The following USP6 variants were observed in gnomAD, a reference collection of about 807,000 sequenced individuals.
USP6 encodes ubiquitin specific peptidase 6, also known as ubiquitin carboxyl-terminal hydrolase 6.
In USP6, 128 loss-of-function variants were observed where a neutral mutation model predicts 175.7. The observed-to-expected ratio is 0.73, with a 90% CI of 0.63 to 0.84. USP6 has a LOEUF of 0.84. Ranked by LOEUF, USP6 falls within the 40% of genes least tolerant of loss-of-function variation. USP6 has a pLI of 0.00. For synonymous variants in USP6, 562 were observed against 630.6 expected (o/e 0.89, Z 1.63); for missense variants, 1,498 against 1,760.3 (o/e 0.85, Z 2.67).
chr17:5,154,020 G>T (rs2073830617), intron 30 of USP6, among the ~76,000 whole-genome samples: 1 of 152,236 alleles, frequency 6.6e-6, no homozygotes, highest in African/African-American at 2.4e-5. Flanking sequence ...AACTGAGAAA[G>T]TATGGGCCCT....
chr17:5,117,974 C>T (rs976360091), intron 1 of USP6, among the ~76,000 whole-genome samples: 1 of 151,200 alleles, frequency 6.6e-6, no homozygotes, highest in African/African-American at 2.4e-5. Flanking sequence ...GAGGCTGAGG[C>T]AGGAGAATCA....
Position 5,146,025 on chromosome 17 carries a change from A to T in USP6, c.2170A>T (p.Ile724Phe), listed in dbSNP as rs1171689389. 1.3e-6 allele frequency: 2 copies of T among 1,578,344 alleles called. No homozygotes were observed. Among genetic ancestry groups the T allele is most frequent in the Non-Finnish European group, 1.7e-6 (2 of 1,163,112 alleles). Residue 724 changes from isoleucine to phenylalanine, a missense_variant and splice_region_variant, in exon 28 of 38, where the codon ATT becomes TTT. Transcript: ENST00000574788. ...DSYMDLEITVIKLDGTTPVRY... is the reference protein window; with the variant it reads ...DSYMDLEITVFKLDGTTPVRY... ...AAAAGATCTTTTCTCTTTACTAGTG[A>T]TTAAGTTAGATGGTACTACCCCTGT...
At chr17:5,119,513 C>G (rs1444186417) in intron 2 of USP6, among the ~76,000 whole-genome samples, 1 of 152,150 alleles carries the variant, frequency 6.6e-6, no homozygotes, top group African/African-American at 2.4e-5. Flanking sequence ...AGGCTGGGGC[C>G]CAGAAACCCC....
rs1197579493 is a variant in USP6, at chr17:5,170,608, A to C, written c.3647A>C (p.Asn1216Thr). ...RLRLPQIGSK[N>T]KPSSSKKNLD... ...CGGCTGCCCCAGATTGGCAGCAAAA[A>C]TAAGCCGTCAAGTAGTAAGAAGAAC... is the stretch of plus-strand genomic sequence containing the variant. Residue 1216 changes from asparagine to threonine, a missense_variant, in exon 36 of 38, where the codon AAT becomes ACT. Coordinates refer to ENST00000574788, the MANE Select transcript of USP6 (RefSeq NM_001304284.2). 3.1e-6 allele frequency: 5 copies of C among 1,613,366 alleles called. No homozygotes were observed. The Admixed American group carries it at 8.3e-5, about 27-fold the overall frequency.
At position 5,139,288 on chromosome 17, in the gene USP6, C is replaced by G. The variant is rs1485568719; in HGVS notation, c.1112C>G (p.Pro371Arg). The change falls in exon 22 of 38, where the codon CCT becomes CGT. Residue 371 changes from proline (P) to arginine (R), a missense_variant. By Grantham distance (103) the Pro-to-Arg change is moderately radical. This residue lies in a region of USP6 where 1,217 missense variants were observed against 1,500.8 expected (regional missense o/e 0.81). Transcript: ENST00000574788. ...KREQGSLAPR[P>R]VPASRGGKTL... ...GAGCAAGGGTCCTTGGCACCCAGGC[C>G]TGTGCCGGCTTCACGTGGTGGGAAG... 1 of 1,605,962 alleles carries G rather than the reference C, an allele frequency of 6.2e-7. No individual in the cohort carries two copies.
At chr17:5,168,257 G>C in intron 34 of USP6, 134 bp downstream of exon 34, 1 of 1,126,056 alleles carries the variant, frequency 8.9e-7, no homozygotes, top group Non-Finnish European at 1.2e-6. Flanking sequence ...TTCTGTACAA[G>C]GTTTTTATGT....
chr17:5,144,270 A>G (rs1461628359), intron 25 of USP6, among the ~76,000 whole-genome samples: 1 of 151,536 alleles, frequency 6.6e-6, no homozygotes, highest in Non-Finnish European at 1.5e-5. Context: ...GCTATGTATT[A>G]TTATATACAC....
intron 21 of USP6, among the ~76,000 whole-genome samples, chr17:5,138,765 C>A (rs2143920063): frequency 6.6e-6 from 1 of 152,308 alleles, no homozygotes; most frequent in South Asian, 2.1e-4. Context: ...AGGCGGGACC[C>A]CGGGCCCAGA....
intron 33 of USP6, among the ~76,000 whole-genome samples, chr17:5,166,044 C>T (rs1305800351): frequency 1.3e-5 from 2 of 152,124 alleles, no homozygotes; most frequent in Non-Finnish European, 2.9e-5. Flanking sequence ...TTTAACTGGC[C>T]ATGAGAAAGG....
At chr17:5,120,318 C>T (rs1272762016) in intron 2 of USP6, among the ~76,000 whole-genome samples, 3 of 151,902 alleles carry the variant, frequency 2.0e-5, no homozygotes, top group Non-Finnish European at 4.4e-5. Context: ...TGAGTGAGGT[C>T]GCCTGTGGTC....
intron 25 of USP6, 96 bp downstream of exon 25, chr17:5,142,598 A>G (rs1446500521): frequency 1.4e-6 from 2 of 1,458,340 alleles, no homozygotes; most frequent in African/African-American, 1.4e-5. Flanking sequence ...TTTTAGCTTA[A>G]TGAACGTTTT....
chr17:5,157,626 T>C (rs1350621379), intron 31 of USP6, among the ~76,000 whole-genome samples: 1 of 152,074 alleles, frequency 6.6e-6, no homozygotes, highest in Non-Finnish European at 1.5e-5. Context: ...CCAGGCTGAC[T>C]TCTTTTTTCT....
intron 36 of USP6, among the ~76,000 whole-genome samples, 173 bp from the exon 37 acceptor site, chr17:5,171,414 C>G (rs2074213839): frequency 6.6e-6 from 1 of 152,084 alleles, no homozygotes; most frequent in African/African-American, 2.4e-5. Flanking sequence ...GAGCTTATGA[C>G]TTTTGTATTT....
chr17:5,149,636 T>C (rs887293825), intron 30 of USP6, among the ~76,000 whole-genome samples: 1 of 152,124 alleles, frequency 6.6e-6, no homozygotes. Flanking sequence ...TGTAGGTATG[T>C]ACATCTTCAC....
At chr17:5,161,412 G>C (rs2074001130) in intron 31 of USP6, 116 bp from the exon 32 acceptor site, 1 of 1,006,724 alleles carries the variant, frequency 9.9e-7, no homozygotes, top group South Asian at 1.5e-5. Flanking sequence ...CTGTCAACAT[G>C]AGCATACTGC....
At chr17:5,170,280 C>CT (rs2074184311) in intron 35 of USP6, among the ~76,000 whole-genome samples, 199 bp from the exon 36 acceptor site, 4 of 152,120 alleles carry the variant, frequency 2.6e-5, no homozygotes, top group Admixed American at 2.6e-4. Context: ...GACATTGTTG[C>CT]TTATAGGGAC....
Position 5,144,855 on chromosome 17 carries a change from G to A in USP6, c.1984G>A (p.Ala662Thr). ...DSDGRPDWEV[A>T]AEAWDNHLRR... is the part of the protein sequence containing the mutation. ...TGATGGCCGACCAGACTGGGAAGTAGCTGCAGAGGTTTGTCAGTTTTGAGT... is the reference window on the plus strand; with the variant it reads ...TGATGGCCGACCAGACTGGGAAGTAACTGCAGAGGTTTGTCAGTTTTGAGT... The change falls in exon 26 of 38, where the codon GCT (alanine) becomes ACT (threonine). Residue 662 changes from alanine to threonine, a missense_variant. Physicochemically the swap from Ala to Thr is moderately conservative, Grantham distance 58. This residue lies in a region of USP6 where 1,217 missense variants were observed against 1,500.8 expected (regional missense o/e 0.81). Transcript: ENST00000574788. 1.9e-6 allele frequency: 3 copies of A among 1,594,000 alleles called. No homozygotes were observed. Among genetic ancestry groups the A allele is most frequent in the Non-Finnish European group, 2.6e-6 (3 of 1,165,706 alleles).
Position 5,162,905 on chromosome 17 carries a change from T to C in USP6, c.2937T>C (p.Ile979=), listed in dbSNP as rs2074031725. 6.2e-7 allele frequency: 1 copy of C among 1,606,290 alleles called. No homozygotes were observed. Among genetic ancestry groups the C allele is most frequent in the Admixed American group, 1.7e-5 (1 of 58,070 alleles). The change falls in exon 33 of 38, where the codon ATT becomes ATC. Residue 979 remains isoleucine (I), a synonymous_variant. Coordinates refer to ENST00000574788, the MANE Select transcript of USP6 (RefSeq NM_001304284.2). The part of the protein sequence containing the change: ...PQYRFCRGCK[I]DCGEDRAFIG... ...TTAGATTTTGCAGAGGCTGTAAAAT[T>C]GATTGTGGGGAAGACAGAGCTTTCA...
chr17:5,140,645 G>T (rs1389616931), intron 22 of USP6, among the ~76,000 whole-genome samples: 4 of 152,150 alleles, frequency 2.6e-5, no homozygotes, highest in Non-Finnish European at 4.4e-5. Context: ...ATTATCTAAG[G>T]TTATTAAGGC....
Sources: gnomAD v4.1 joint callset for allele counts (sites outside exome capture counted in the v4.1 genomes callset) on GRCh38, gnomAD v4.1.1 for gene constraint, gnomAD v4.1.1 regional missense constraint, MANE v1.5 for transcripts, NCBI Gene and HGNC (gene_info 2026-07-23, HGNC 2026-07-21) for gene names.